The following SCIN variants were observed in gnomAD, a reference collection of about 807,000 sequenced individuals.
The protein encoded by SCIN is adseverin.
A neutral mutation model predicts 91.8 loss-of-function variants in SCIN; 91 were observed. The observed-to-expected ratio is 0.99, with a 90% CI of 0.84 to 1.18. The LOEUF (loss-of-function observed/expected upper bound fraction) is 1.18. SCIN is among the 50% of genes most tolerant of loss of function. SCIN has a pLI of 0.00. For missense variants in SCIN, 1,087 were observed against 863.9 expected (o/e 1.26, Z -3.24); for synonymous variants, 367 against 312.6 (o/e 1.17, Z -1.84).
chr7:12,620,604 A>G (rs531376639), intron 4 of SCIN, among the ~76,000 whole-genome samples: 6 of 152,264 alleles, frequency 3.9e-5, no homozygotes, highest in African/African-American at 1.4e-4. Flanking sequence ...GTCCAGGAAT[A>G]AACAGGAATC....
chr7:12,584,341 C>T (rs1782545032), intron 3 of SCIN, among the ~76,000 whole-genome samples: 1 of 152,190 alleles, frequency 6.6e-6, no homozygotes, highest in Non-Finnish European at 1.5e-5. Context: ...TTAGGTTAAA[C>T]ATCCAGTTAT....
At chr7:12,584,101 A>G (rs895116818) in intron 3 of SCIN, among the ~76,000 whole-genome samples, 2 of 152,218 alleles carry the variant, frequency 1.3e-5, no homozygotes, top group Non-Finnish European at 2.9e-5. Context: ...ACCAGTTGGT[A>G]TGTTGCCAAA....
At chr7:12,585,610 A>T (rs111689506) in intron 3 of SCIN, among the ~76,000 whole-genome samples, 2 of 152,174 alleles carry the variant, frequency 1.3e-5, no homozygotes, top group African/African-American at 4.8e-5. Context: ...AATTGTCTTT[A>T]TCTTATTAAT....
At chr7:12,587,594 C>T (rs1562598541) in intron 3 of SCIN, among the ~76,000 whole-genome samples, 1 of 152,176 alleles carries the variant, frequency 6.6e-6, no homozygotes, top group Non-Finnish European at 1.5e-5. Flanking sequence ...CTCAGGAACT[C>T]TGCTTTGTTT....
intron 4 of SCIN, among the ~76,000 whole-genome samples, chr7:12,618,817 A>T (rs1284697204): frequency 6.6e-6 from 1 of 152,174 alleles, no homozygotes; most frequent in African/African-American, 2.4e-5. Flanking sequence ...TACAAATTAA[A>T]ATGTTCATTC....
intron 9 of SCIN, among the ~76,000 whole-genome samples, chr7:12,630,078 T>A (rs1341297741): frequency 6.6e-6 from 1 of 152,136 alleles, no homozygotes; most frequent in African/African-American, 2.4e-5. Context: ...AATAGGTATA[T>A]AGAATATAGA....
intron 4 of SCIN, among the ~76,000 whole-genome samples, chr7:12,608,536 G>A (rs1229450793): frequency 2.6e-5 from 4 of 152,000 alleles, no homozygotes; most frequent in Non-Finnish European, 5.9e-5. Context: ...AGAGTGCAGT[G>A]GTACGGTCTC....
At position 12,652,833 on chromosome 7, in the gene SCIN, G is replaced by A; in HGVS notation, c.*118G>A. On this transcript the variant is annotated 3_prime_UTR_variant, in exon 16 of 16. Coordinates refer to ENST00000297029, the MANE Select transcript of SCIN (RefSeq NM_001112706.3). ...CTTTTGAAAATTAAGGCTGGGCGCG[G>A]TGGCTCACACCTGTAATCCCAGCAC... is the stretch of plus-strand genomic sequence containing the variant. The A allele has an allele frequency of 7.8e-7, 1 of 1,281,784 alleles. No individual in the cohort carries two copies. Among genetic ancestry groups the A allele is most frequent in the Non-Finnish European group, 1.1e-6 (1 of 931,578 alleles). 79.4% of individuals were successfully genotyped at this position (1,281,784 alleles called of 1,614,324 possible).
chr7:12,659,334 A>G lies in SCIN; in HGVS notation c.*6619A>G, dbSNP rs1341433834. ...TCTATGTCTCTATGAGCTGGTAAAC[A>G]ATAGACAGGTAAATACAGACTTGGC... On this transcript the variant is annotated 3_prime_UTR_variant, in exon 16 of 16. Coordinates refer to ENST00000297029, the MANE Select transcript of SCIN (RefSeq NM_001112706.3). 6.6e-6 allele frequency: 1 copy of G among 152,216 alleles called. No homozygotes were observed. Among genetic ancestry groups the G allele is most frequent in the Non-Finnish European group, 1.5e-5 (1 of 68,032 alleles). The allele number at this position is 152,216 out of a possible 1,614,324, so 9.4% of individuals were successfully genotyped here.
rs571664026 is a variant in SCIN at position 12,635,487 on chromosome 7, C to T, written c.1320-558C>T. ...ATTAGCCCGGTGTGGTGGCAGGCGC[C>T]TGTAATCCCAGGTACTTGGGAGGCT... On this transcript the variant is annotated intron_variant, in intron 9 of 15. Coordinates refer to ENST00000297029, the MANE Select transcript of SCIN (RefSeq NM_001112706.3). Among the ~76,000 whole-genome samples the T allele has an allele frequency of 2.0e-5, 3 of 151,080 alleles. No homozygotes were observed. In the East Asian group the frequency reaches 5.9e-4, roughly 30 times the overall value.
At chr7:12,604,809 TAGTA>T (rs1217498815) in intron 4 of SCIN, 146 bp downstream of exon 4, 3 of 652,396 alleles carry the variant, frequency 4.6e-6, no homozygotes, top group Non-Finnish European at 5.0e-6. Context: ...TAGCTACAAT[TAGTA>T]AGAGGAAACA....
intron 9 of SCIN, among the ~76,000 whole-genome samples, chr7:12,633,672 T>G (rs1430713106): frequency 6.6e-6 from 1 of 152,156 alleles, no homozygotes; most frequent in East Asian, 1.9e-4. Flanking sequence ...TTGGATTTCT[T>G]CCCTCCAGAA....
chr7:12,602,044 G>A (rs971824971), intron 3 of SCIN, among the ~76,000 whole-genome samples: 4 of 152,140 alleles, frequency 2.6e-5, no homozygotes, highest in African/African-American at 9.7e-5. Context: ...CAGGTTGGGA[G>A]CCAGATATCG....
At position 12,652,865 on chromosome 7, in the gene SCIN, A is replaced by G; in HGVS notation, c.*150A>G. 3 of 876,296 alleles carry G rather than the reference A, an allele frequency of 3.4e-6. No homozygotes were observed. The East Asian group carries it at 8.6e-5, about 25-fold the overall frequency. The allele number at this position is 876,296 out of a possible 1,614,324, so 54.3% of individuals were successfully genotyped here. A position where few individuals can be genotyped will look rare whatever the true frequency, so the allele number is the denominator to read the frequency against. On this transcript the variant is annotated 3_prime_UTR_variant, in exon 16 of 16. Coordinates refer to ENST00000297029, the MANE Select transcript of SCIN (RefSeq NM_001112706.3). ...ACACCTGTAATCCCAGCACTTTGAG[A>G]GGATGAGGTAGGCGGATCACTGGGG...
intron 4 of SCIN, among the ~76,000 whole-genome samples, chr7:12,612,146 T>G (rs1783205326): frequency 6.6e-6 from 1 of 152,204 alleles, no homozygotes. Flanking sequence ...TATCCTGCTT[T>G]TATTTTCCTA....
At chr7:12,642,494 A>G (rs1272381663) in intron 11 of SCIN, among the ~76,000 whole-genome samples, 7 of 151,798 alleles carry the variant, frequency 4.6e-5, no homozygotes, top group Admixed American at 4.6e-4. Context: ...CCTTCTTAAG[A>G]GCACATATCA....
At chr7:12,649,388 A>T in intron 13 of SCIN, 79 bp from the exon 14 acceptor site, 1 of 808,660 alleles carries the variant, frequency 1.2e-6, no homozygotes, top group Middle Eastern at 2.4e-4. Context: ...ACTCAAAAAA[A>T]ATACAGGGCA....
intron 12 of SCIN, 92 bp from the exon 13 acceptor site, chr7:12,644,492 G>T (rs913949938): frequency 2.9e-5 from 44 of 1,527,230 alleles, no homozygotes; most frequent in Admixed American, 2.5e-4. Context: ...TCTCAACACT[G>T]AAATCAAGGT....
In SCIN at chr7:12,570,794, G is replaced by T. The variant is rs745347204; in HGVS notation, c.8G>T (p.Arg3Leu). Reference protein sequence around the residue: MARELYHEEFARA... With the variant: MALELYHEEFARA... ...GCATCGCGTGCAGGAGCCATGGCGCGGGAGCTATACCACGAAGAGTTCGCC... is the reference window on the plus strand; with the variant it reads ...GCATCGCGTGCAGGAGCCATGGCGCTGGAGCTATACCACGAAGAGTTCGCC... The change falls in exon 1 of 16, where the codon CGG becomes CTG. Residue 3 changes from arginine to leucine, a missense_variant. By Grantham distance (102) the Arg-to-Leu change is moderately radical. Coordinates refer to ENST00000297029, the MANE Select transcript of SCIN (RefSeq NM_001112706.3). The T allele has an allele frequency of 1.6e-5, 25 of 1,550,818 alleles. No individual in the cohort carries two copies. The highest frequency in any genetic ancestry group is 1.7e-4 in the Middle Eastern group (1 of 5,990).
Sources: gnomAD v4.1 joint callset for allele counts (sites outside exome capture counted in the v4.1 genomes callset) on GRCh38, gnomAD v4.1.1 for gene constraint, MANE v1.5 for transcripts, NCBI Gene and HGNC (gene_info 2026-07-23, HGNC 2026-07-21) for gene names.